P2RY6: variants seen among roughly 807,000 people sequenced by gnomAD.
The protein encoded by P2RY6 is pyrimidinergic receptor P2Y6, also known as P2Y purinoceptor 6.
P2RY6 carries 19 observed loss-of-function variants against 16.3 expected under a neutral mutation model. The observed-to-expected ratio is 1.16, with a 90% CI of 0.81 to 1.71. The LOEUF (loss-of-function observed/expected upper bound fraction) is 1.71, where lower values mean the gene tolerates loss of function less well. P2RY6 is among the 40% of genes most tolerant of loss of function. P2RY6 has a pLI of 0.00. For missense variants in P2RY6, 389 were observed against 455.5 expected (o/e 0.85, Z 1.33); for synonymous variants, 184 against 201.5 (o/e 0.91, Z 0.74).
At chr11:73,274,154 G>T (rs968420308) in intron 1 of P2RY6, among the ~76,000 whole-genome samples, 1 of 152,174 alleles carries the variant, frequency 6.6e-6, no homozygotes, top group African/African-American at 2.4e-5. Context: ...AAGAAATGGA[G>T]GCTTGTTGAA....
chr11:73,292,198 G>A (rs1864282012), intron 1 of P2RY6, among the ~76,000 whole-genome samples: 1 of 152,280 alleles, frequency 6.6e-6, no homozygotes, highest in Non-Finnish European at 1.5e-5. Flanking sequence ...CTGCCGTGTG[G>A]AAGGGGCAGT....
chr11:73,297,454 A>C lies in P2RY6; in HGVS notation c.936A>C (p.Pro312=), dbSNP rs1270386418. 6.2e-7 allele frequency: 1 copy of C among 1,612,452 alleles called. No individual in the cohort carries two copies. Among genetic ancestry groups the C allele is most frequent in the Non-Finnish European group, 8.5e-7 (1 of 1,179,582 alleles). Reference sequence around the variant, plus strand: ...CCCAGAAGAAGTTCCGCCGGCGACCACATGAGCTCCTACAGAAACTCACAG... The same window carrying C: ...CCCAGAAGAAGTTCCGCCGGCGACCCCATGAGCTCCTACAGAAACTCACAG... ...YFTQKKFRRR[P]HELLQKLTAK... The change falls in exon 3 of 3, where the codon CCA becomes CCC. Residue 312 remains proline (P), a synonymous_variant. Transcript: ENST00000540124.
chr11:73,273,988 A>G (rs940797840), intron 1 of P2RY6, among the ~76,000 whole-genome samples: 1 of 152,138 alleles, frequency 6.6e-6, no homozygotes, highest in Non-Finnish European at 1.5e-5. Flanking sequence ...GGCATGTATC[A>G]CAATGTTCAA....
In P2RY6 at chr11:73,298,283, GCCTCGTGCTGGGCTCTGCC is replaced by G. The variant is rs1222538540; in HGVS notation, c.*780_*798del. 6.0e-6 allele frequency: 1 copy of G among 167,198 alleles called. No individual in the cohort carries two copies. Among genetic ancestry groups the G allele is most frequent in the Non-Finnish European group, 1.5e-5 (1 of 68,180 alleles). 10.4% of individuals were successfully genotyped at this position (167,198 alleles called of 1,614,324 possible). A position where few individuals can be genotyped will look rare whatever the true frequency, so the allele number is the denominator to read the frequency against. Reference sequence around the variant, plus strand: ...GCTCCATGCATATCCAGCTGGGCCAGCCTCGTGCTGGGCTCTGCCCTGGGCAGACAGGCAGAGGGCCAGA... The same window carrying G: ...GCTCCATGCATATCCAGCTGGGCCAGCTGGGCAGACAGGCAGAGGGCCAGA... On this transcript the variant is annotated 3_prime_UTR_variant, in exon 3 of 3. Transcript: ENST00000540124.
intron 1 of P2RY6, among the ~76,000 whole-genome samples, chr11:73,291,293 C>T (rs1864235832): frequency 6.6e-6 from 1 of 152,230 alleles, no homozygotes; most frequent in African/African-American, 2.4e-5. Context: ...CTTACCCAAG[C>T]CTTGCCCTGC....
upstream of P2RY6, among the ~76,000 whole-genome samples, chr11:73,270,603 G>A (rs1212914172): frequency 6.6e-6 from 1 of 152,178 alleles, no homozygotes; most frequent in African/African-American, 2.4e-5. Flanking sequence ...TTGGGATTGG[G>A]GATTGGTTGA....
At chr11:73,290,136 C>T (rs190071411) in intron 1 of P2RY6, among the ~76,000 whole-genome samples, 8 of 151,778 alleles carry the variant, frequency 5.3e-5, no homozygotes, top group African/African-American at 1.5e-4. Context: ...GCAGGAGAAT[C>T]GCTTGAACCT....
chr11:73,282,224 A>T (rs1591676130), intron 1 of P2RY6, among the ~76,000 whole-genome samples: 1 of 152,162 alleles, frequency 6.6e-6, no homozygotes, highest in African/African-American at 2.4e-5. Flanking sequence ...CCACAACCCC[A>T]TTTGAGGCTC....
chr11:73,267,702 C>T (rs1023219276), upstream of P2RY6, among the ~76,000 whole-genome samples: 1 of 152,184 alleles, frequency 6.6e-6, no homozygotes, highest in Non-Finnish European at 1.5e-5. Flanking sequence ...TAGCTTAAAA[C>T]CTTGCCTTGA....
Position 73,296,880 on chromosome 11 carries a change from G to A in P2RY6, c.362G>A (p.Ser121Asn). The change falls in exon 3 of 3, where the codon AGC becomes AAC. Residue 121 changes from serine to asparagine, a missense_variant. By Grantham distance (46) the Ser-to-Asn change is conservative. Transcript: ENST00000540124. ...AGCATCCTCTTCCTCACCTGCATCAGCTTCCAGCGCTACCTGGGCATCTGC... is the reference window on the plus strand; with the variant it reads ...AGCATCCTCTTCCTCACCTGCATCAACTTCCAGCGCTACCTGGGCATCTGC... ...HGSILFLTCI[S>N]FQRYLGICHP... 1 of 1,610,448 alleles carries A rather than the reference G, an allele frequency of 6.2e-7. No individual in the cohort carries two copies.
At chr11:73,285,356 G>A (rs1863928527) in intron 1 of P2RY6, among the ~76,000 whole-genome samples, 1 of 152,246 alleles carries the variant, frequency 6.6e-6, no homozygotes, top group South Asian at 2.1e-4. Context: ...TTCCAGGCGT[G>A]AGCCACCACA....
intron 1 of P2RY6, among the ~76,000 whole-genome samples, chr11:73,284,909 G>T (rs1371588500): frequency 6.6e-6 from 1 of 152,172 alleles, no homozygotes; most frequent in East Asian, 1.9e-4. Context: ...GTAGAACAGT[G>T]TATTAAAAGA....
chr11:73,268,695 G>A (rs11235706), upstream of P2RY6, among the ~76,000 whole-genome samples: 21,201 of 152,186 alleles, frequency 0.14, 1,573 homozygotes, highest in Non-Finnish European at 0.18. Flanking sequence ...CTTGAAGTGG[G>A]CCAACTCTTT....
chr11:73,294,751 CCATAACCTTACTTAGTAGGTA>C (rs1864406257), intron 1 of P2RY6, among the ~76,000 whole-genome samples: 1 of 152,188 alleles, frequency 6.6e-6, no homozygotes, highest in Non-Finnish European at 1.5e-5. Flanking sequence ...TTAAAAAATC[CCATAACCTTACTTAGTAGGTA>C]CAGTAAGAAC....
chr11:73,287,410 A>G (rs1864011727), intron 1 of P2RY6, among the ~76,000 whole-genome samples: 1 of 152,336 alleles, frequency 6.6e-6, no homozygotes, highest in South Asian at 2.1e-4. Context: ...GGCTTAGATC[A>G]CAGACCCATC....
At chr11:73,273,824 C>T (rs988524344) in intron 1 of P2RY6, among the ~76,000 whole-genome samples, 5 of 152,184 alleles carry the variant, frequency 3.3e-5, no homozygotes, top group Admixed American at 1.3e-4. Context: ...GTCCCACTGA[C>T]GCTTTTTATT....
Position 73,296,825 on chromosome 11 carries a change from C to T in P2RY6, c.307C>T (p.Arg103Cys), listed in dbSNP as rs774321269. The T allele has an allele frequency of 3.2e-5, 51 of 1,610,412 alleles. No individual in the cohort carries two copies. The highest frequency in any genetic ancestry group is 1.5e-4 in the Admixed American group (9 of 60,010). Reference protein sequence around the residue: ...PFGDFACRLVRFLFYANLHGS... With the variant: ...PFGDFACRLVCFLFYANLHGS... ...TGGCGACTTCGCCTGCCGCCTGGTC[C>T]GCTTCCTCTTCTATGCCAACCTGCA... The change falls in exon 3 of 3, where the codon CGC becomes TGC. Residue 103 changes from arginine to cysteine, a missense_variant. Transcript: ENST00000540124.
chr11:73,297,394 C>T lies in P2RY6; in HGVS notation c.876C>T (p.Ala292=). The T allele has an allele frequency of 6.2e-7, 1 of 1,612,356 alleles. No homozygotes were observed. The highest frequency in any genetic ancestry group is 1.1e-5 in the South Asian group (1 of 91,090). ...AYKGTRPFAS[A]NSVLDPILFY... Reference sequence around the variant, plus strand: ...AAGGCACGCGGCCGTTTGCCAGTGCCAACAGCGTGCTGGACCCCATCCTCT... The same window carrying T: ...AAGGCACGCGGCCGTTTGCCAGTGCTAACAGCGTGCTGGACCCCATCCTCT... Residue 292 remains alanine, a synonymous_variant, in exon 3 of 3, where the codon GCC becomes GCT. Coordinates refer to ENST00000540124, the MANE Select transcript of P2RY6 (RefSeq NM_001277204.2).
intron 1 of P2RY6, among the ~76,000 whole-genome samples, chr11:73,291,758 C>G (rs369454811): frequency 1.2e-4 from 19 of 152,302 alleles, no homozygotes; most frequent in Non-Finnish European, 2.2e-4. Context: ...GATGAGCCAC[C>G]CTGAGTGGCA....
Sources: gnomAD v4.1 joint callset for allele counts (sites outside exome capture counted in the v4.1 genomes callset) on GRCh38, gnomAD v4.1.1 for gene constraint, MANE v1.5 for transcripts, NCBI Gene and HGNC (gene_info 2026-07-23, HGNC 2026-07-21) for gene names.